Variants in MACROD2 observed in about 807,000 individuals in gnomAD.
The protein encoded by MACROD2 is mono-ADP ribosylhydrolase 2.
MACROD2 carries 36 observed loss-of-function variants against 70.4 expected under a neutral mutation model. The observed-to-expected ratio is 0.51, with a 90% CI of 0.39 to 0.68. The LOEUF (loss-of-function observed/expected upper bound fraction) is 0.68. MACROD2 is among the 30% of genes least tolerant of loss of function. The pLI is 0.00. For synonymous variants in MACROD2, 172 were observed against 178.8 expected (o/e 0.96, Z 0.30); for missense variants, 496 against 538.4 (o/e 0.92, Z 0.78).
At chr20:15,088,401 A>T (rs1203858078) in intron 5 of MACROD2, among the ~76,000 whole-genome samples, 7 of 1,526 alleles carry the variant, frequency 4.6e-3, no homozygotes, top group East Asian at 0.033. Context: ...TATATTTTAT[A>T]TATATATATA....
At chr20:15,601,829 C>A (rs922080400) in intron 8 of MACROD2, among the ~76,000 whole-genome samples, 1 of 152,048 alleles carries the variant, frequency 6.6e-6, no homozygotes, top group African/African-American at 2.4e-5. Flanking sequence ...GAGATCGAGA[C>A]CATCCTGGCT....
At chr20:15,359,748 A>G (rs572766772) in intron 6 of MACROD2, among the ~76,000 whole-genome samples, 2 of 152,292 alleles carry the variant, frequency 1.3e-5, no homozygotes, top group South Asian at 4.1e-4. Context: ...CTATTTTGAA[A>G]TAACTATAAA....
In MACROD2 at chr20:15,951,820, C is replaced by T. The variant is rs181668488; in HGVS notation, c.907+14276C>T. Among the ~76,000 whole-genome samples the T allele has an allele frequency of 2.2e-4, 34 of 152,212 alleles. No individual in the cohort carries two copies. In the East Asian group the frequency reaches 4.8e-3, roughly 22 times the overall value. ...CACTGTTTCAATTTACGTAAATCAC[C>T]CGTAAATGTTATCTATGCCAACCAC... On this transcript the variant is annotated intron_variant, in intron 12 of 17. Coordinates refer to ENST00000684519, the MANE Select transcript of MACROD2 (RefSeq NM_001351661.2).
intron 6 of MACROD2, among the ~76,000 whole-genome samples, chr20:15,364,195 ATTC>A (rs2078385503): frequency 6.6e-6 from 1 of 152,166 alleles, no homozygotes; most frequent in Non-Finnish European, 1.5e-5. Context: ...TGTGCTTCTT[ATTC>A]TTTAAAGATT....
At chr20:14,552,428 A>G (rs918225681) in intron 4 of MACROD2, among the ~76,000 whole-genome samples, 1 of 151,640 alleles carries the variant, frequency 6.6e-6, no homozygotes, top group African/African-American at 2.4e-5. Context: ...CAAGAAGAGT[A>G]AAGTGCACAT....
At chr20:15,975,826 T>C (rs145609790) in intron 13 of MACROD2, among the ~76,000 whole-genome samples, 7 of 152,304 alleles carry the variant, frequency 4.6e-5, no homozygotes, top group Admixed American at 3.9e-4. Flanking sequence ...AAAATAATTT[T>C]TAAAAATAAC....
chr20:14,609,235 G>A (rs945237512), intron 4 of MACROD2, among the ~76,000 whole-genome samples: 4 of 103,312 alleles, frequency 3.9e-5, no homozygotes, highest in South Asian at 2.8e-4. Flanking sequence ...AACAGAGAGC[G>A]TCATAACATT....
At chr20:15,371,116 T>C (rs1297854874) in intron 6 of MACROD2, among the ~76,000 whole-genome samples, 1 of 152,118 alleles carries the variant, frequency 6.6e-6, no homozygotes, top group East Asian at 1.9e-4. Flanking sequence ...ATAATATTCA[T>C]AAGTCACTGA....
chr20:14,367,930 A>C (rs1357256237), intron 3 of MACROD2, among the ~76,000 whole-genome samples: 1 of 152,170 alleles, frequency 6.6e-6, no homozygotes, highest in Non-Finnish European at 1.5e-5. Context: ...TGTTCCACAA[A>C]TCTCTTTGAT....
chr20:14,097,937 G>A (rs207477407), intron 3 of MACROD2, among the ~76,000 whole-genome samples: 3 of 152,214 alleles, frequency 2.0e-5, no homozygotes, highest in Admixed American at 6.5e-5. Context: ...TTTTCCACTC[G>A]TGGTGTCATA....
At chr20:15,659,530 A>G (rs1459510728) in intron 8 of MACROD2, among the ~76,000 whole-genome samples, 1 of 151,934 alleles carries the variant, frequency 6.6e-6, no homozygotes, top group Non-Finnish European at 1.5e-5. Flanking sequence ...TTGACCACCT[A>G]GAATGCTTGT....
intron 4 of MACROD2, chr20:14,547,130 A>G (rs1487889621): frequency 5.5e-6 from 1 of 180,728 alleles, no homozygotes; most frequent in Non-Finnish European, 1.2e-5. Flanking sequence ...TCAGTGACAA[A>G]CAATCAAAAC....
intron 6 of MACROD2, among the ~76,000 whole-genome samples, chr20:15,298,018 G>A (rs181851329): frequency 4.6e-5 from 7 of 152,266 alleles, no homozygotes; most frequent in African/African-American, 1.7e-4. Flanking sequence ...CAGAAGTTCT[G>A]ATCAATTTTT....
intron 5 of MACROD2, among the ~76,000 whole-genome samples, chr20:15,082,795 C>T (rs950005111): frequency 5.3e-5 from 8 of 152,022 alleles, no homozygotes; most frequent in Non-Finnish European, 7.4e-5. Flanking sequence ...CGCATTCTCT[C>T]ACTGAGAATT....
intron 2 of MACROD2, among the ~76,000 whole-genome samples, chr20:14,052,209 T>A (rs189207648): frequency 2.4e-4 from 37 of 152,242 alleles, no homozygotes; most frequent in African/African-American, 8.4e-4. Flanking sequence ...GTCTTTTTTC[T>A]TTTTCTGTTC....
At chr20:15,399,605 C>A (rs2045903224) in intron 6 of MACROD2, among the ~76,000 whole-genome samples, 1 of 152,192 alleles carries the variant, frequency 6.6e-6, no homozygotes, top group African/African-American at 2.4e-5. Flanking sequence ...TTTAGCGTAG[C>A]TAGATTTGAG....
chr20:15,153,483 T>A (rs184344768), intron 5 of MACROD2, among the ~76,000 whole-genome samples: 184 of 152,232 alleles, frequency 1.2e-3, no homozygotes, highest in African/African-American at 4.1e-3. Context: ...ATGGCTTAGC[T>A]TGGGCTCAGA....
chr20:15,987,243 A>C, intron 15 of MACROD2, 85 bp downstream of exon 15: 2 of 1,100,144 alleles, frequency 1.8e-6, no homozygotes, highest in Non-Finnish European at 2.7e-6. Flanking sequence ...AGTTATTCTC[A>C]TGCAATTACA....
chr20:14,738,681 GTA>G (rs1292991891), intron 5 of MACROD2, among the ~76,000 whole-genome samples: 1 of 151,550 alleles, frequency 6.6e-6, no homozygotes, highest in Non-Finnish European at 1.5e-5. Context: ...ATATATTTAT[GTA>G]TATGTATATA....
Sources: gnomAD v4.1 joint callset for allele counts (sites outside exome capture counted in the v4.1 genomes callset) on GRCh38, gnomAD v4.1.1 for gene constraint, MANE v1.5 for transcripts, NCBI Gene and HGNC (gene_info 2026-07-23, HGNC 2026-07-21) for gene names.